The following XKR4 variants were observed in gnomAD, a reference collection of about 807,000 sequenced individuals.
XKR4 encodes the protein XK-related protein 4.
Under a neutral mutation model 53.9 loss-of-function variants are expected in XKR4, and 12 were observed. The observed-to-expected ratio is 0.22, with a 90% CI of 0.14 to 0.36. XKR4 has a LOEUF of 0.36. Among genes scored for constraint, XKR4 ranks in the 10% least tolerant of loss-of-function variants. The pLI, the probability that XKR4 is intolerant of heterozygous loss-of-function variation, is 1.00. For missense variants in XKR4, 799 were observed against 859.5 expected, an observed-to-expected ratio of 0.93 and a Z score of 0.88; for synonymous variants, 354 against 362.4, an observed-to-expected ratio of 0.98 and a Z score of 0.26.
chr8:55,189,792 C>T (rs1183573962), intron 1 of XKR4, among the ~76,000 whole-genome samples: 1 of 152,150 alleles, frequency 6.6e-6, no homozygotes, highest in Non-Finnish European at 1.5e-5. Context: ...CTCCTTTCTG[C>T]CACCATTTGT....
chr8:55,335,745 G>T (rs565660625), intron 1 of XKR4, among the ~76,000 whole-genome samples: 3 of 152,224 alleles, frequency 2.0e-5, no homozygotes, highest in African/African-American at 7.2e-5. Context: ...GCAATAAAAA[G>T]AAATGAATGA....
intron 2 of XKR4, among the ~76,000 whole-genome samples, chr8:55,369,389 G>GGGGAGGGGAA (rs1804037975): frequency 2.2e-5 from 2 of 92,592 alleles, no homozygotes; most frequent in Non-Finnish European, 4.4e-5. Flanking sequence ...GGGGAGGGGA[G>GGGGAGGGGAA]GGGAGGGGAG....
chr8:55,470,651 C>G (rs144483487), intron 2 of XKR4, among the ~76,000 whole-genome samples: 1,761 of 152,236 alleles, frequency 0.012, 24 homozygotes, highest in Middle Eastern at 0.027. Context: ...TAAAGCAAGG[C>G]AAGCCCCCAG....
At chr8:55,460,710 T>C (rs930469825) in intron 2 of XKR4, among the ~76,000 whole-genome samples, 9 of 151,784 alleles carry the variant, frequency 5.9e-5, no homozygotes, top group African/African-American at 1.2e-4. Flanking sequence ...GCACAAGGGG[T>C]CAGGGAATTC....
At chr8:55,398,928 TATC>T (rs1011236142) in intron 2 of XKR4, among the ~76,000 whole-genome samples, 3 of 152,230 alleles carry the variant, frequency 2.0e-5, no homozygotes, top group African/African-American at 7.2e-5. Flanking sequence ...GCTCTACAGA[TATC>T]ATGTGGTTTT....
chr8:55,451,989 T>G lies in XKR4; in HGVS notation c.1007-71292T>G, dbSNP rs1012468816. 42 of 773,414 alleles carry G rather than the reference T, an allele frequency of 5.4e-5. No individual in the cohort carries two copies. The African/African-American group carries it at 6.6e-4, about 12-fold the overall frequency. 47.9% of individuals were successfully genotyped at this position (773,414 alleles called of 1,614,324 possible). ...GTTGTACTTCTTGCGAGTGACATGC[T>G]GCCGCCCGATGGTCTTCTTGACGTT... On this transcript the variant is annotated intron_variant, in intron 2 of 2. Transcript: ENST00000327381.
chr8:55,487,849 T>G (rs1259977163), intron 2 of XKR4, among the ~76,000 whole-genome samples: 1 of 152,174 alleles, frequency 6.6e-6, no homozygotes, highest in Non-Finnish European at 1.5e-5. Flanking sequence ...CCCTACACAT[T>G]GTCTTAAAAC....
intron 1 of XKR4, among the ~76,000 whole-genome samples, chr8:55,106,697 A>G (rs1816154744): frequency 6.6e-6 from 1 of 152,156 alleles, no homozygotes; most frequent in Non-Finnish European, 1.5e-5. Flanking sequence ...TCTCCTATGT[A>G]TGTATGTACA....
At chr8:55,231,206 G>T (rs1302355579) in intron 1 of XKR4, among the ~76,000 whole-genome samples, 1 of 152,084 alleles carries the variant, frequency 6.6e-6, no homozygotes, top group Non-Finnish European at 1.5e-5. Flanking sequence ...AAATATTGAG[G>T]CTTATAGGCA....
At chr8:55,416,411 C>T (rs1382859189) in intron 2 of XKR4, among the ~76,000 whole-genome samples, 1 of 152,188 alleles carries the variant, frequency 6.6e-6, no homozygotes, top group Non-Finnish European at 1.5e-5. Flanking sequence ...TCTTACCCTA[C>T]CAGTTCCATA....
At chr8:55,326,239 C>T (rs1266274298) in intron 1 of XKR4, among the ~76,000 whole-genome samples, 2 of 152,108 alleles carry the variant, frequency 1.3e-5, no homozygotes, top group African/African-American at 2.4e-5. Flanking sequence ...GGGATGTTGG[C>T]GATTGTAATA....
chr8:55,222,995 T>G (rs1442203761), intron 1 of XKR4, among the ~76,000 whole-genome samples: 1 of 152,092 alleles, frequency 6.6e-6, no homozygotes. Flanking sequence ...GAAAAGAGCA[T>G]CTGACTGGCT....
intron 1 of XKR4, among the ~76,000 whole-genome samples, chr8:55,293,899 A>G (rs2129375827): frequency 6.6e-6 from 1 of 152,320 alleles, no homozygotes; most frequent in South Asian, 2.1e-4. Context: ...GTCTTGATTT[A>G]TTTATATCTG....
At chr8:55,290,266 A>T (rs1156967933) in intron 1 of XKR4, among the ~76,000 whole-genome samples, 1 of 151,112 alleles carries the variant, frequency 6.6e-6, no homozygotes, top group East Asian at 1.9e-4. Flanking sequence ...AGTAGCTGGG[A>T]CTATAGGCGC....
intron 2 of XKR4, among the ~76,000 whole-genome samples, chr8:55,370,699 T>G (rs1244591248): frequency 6.6e-6 from 1 of 152,168 alleles, no homozygotes; most frequent in Non-Finnish European, 1.5e-5. Context: ...TAGCACTTAG[T>G]GCTAAGCCCT....
chr8:55,312,232 G>T (rs1220051177), intron 1 of XKR4, among the ~76,000 whole-genome samples: 1 of 151,706 alleles, frequency 6.6e-6, no homozygotes, highest in Admixed American at 6.6e-5. Context: ...TCTGAAAATA[G>T]GAGATTAGAC....
At chr8:55,477,796 A>G (rs1806023608) in intron 2 of XKR4, among the ~76,000 whole-genome samples, 1 of 152,178 alleles carries the variant, frequency 6.6e-6, no homozygotes, top group Admixed American at 6.5e-5. Flanking sequence ...ACTGGGAGAA[A>G]GGGTATCAGT....
chr8:55,268,729 T>C (rs1377850371), intron 1 of XKR4, among the ~76,000 whole-genome samples: 2 of 152,192 alleles, frequency 1.3e-5, no homozygotes, highest in African/African-American at 4.8e-5. Context: ...TGGCATTAAA[T>C]CACTTAATCC....
chr8:55,187,323 A>G (rs954568017), intron 1 of XKR4, among the ~76,000 whole-genome samples: 17 of 151,666 alleles, frequency 1.1e-4, no homozygotes, highest in African/African-American at 2.2e-4. Flanking sequence ...AAAAAAAAAA[A>G]AAGAAGAAGA....
Sources: allele counts gnomAD v4.1 joint callset (sites outside exome capture counted in the v4.1 genomes callset), GRCh38; gene constraint gnomAD v4.1.1; transcripts MANE v1.5; gene names NCBI Gene and HGNC (gene_info 2026-07-23, HGNC 2026-07-21).